SPTB: variants seen among roughly 807,000 people sequenced by gnomAD.
The protein encoded by SPTB is spectrin beta, erythrocytic.
SPTB carries 45 observed loss-of-function variants against 256.2 expected under a neutral mutation model. That is an observed-to-expected ratio of 0.18 (90% confidence interval 0.14 to 0.23). SPTB has a LOEUF of 0.23. Among genes scored for constraint, SPTB ranks in the 10% least tolerant of loss-of-function variants. SPTB has a pLI of 1.00. For missense variants in SPTB, 2,715 were observed against 3,040.4 expected (o/e 0.89, Z 2.52); for synonymous variants, 1,231 against 1,243.1 (o/e 0.99, Z 0.21).
At position 64,785,741 on chromosome 14, in the gene SPTB, G is replaced by A. The variant is rs200257205; in HGVS notation, c.3764+8C>T. The A allele has an allele frequency of 2.0e-5, 33 of 1,614,034 alleles. No homozygotes were observed. Among genetic ancestry groups the A allele is most frequent in the African/African-American group, 1.6e-4 (12 of 74,982 alleles). ...TGGGGGCCTCGTGGCCCTGGGGCCC[G>A]GGAGTACCTGTCCTCAATCAGCTGC... is the stretch of plus-strand genomic sequence containing the variant. On this transcript the variant is annotated splice_region_variant and intron_variant, in intron 17 of 35. Transcript: ENST00000644917. This position sits in a 1 kb window ranked among gnomAD's most constrained non-coding sequence, Gnocchi z 4.4.
At chr14:64,869,621 A>ATT (rs11302191) in intron 1 of SPTB, among the ~76,000 whole-genome samples, 4,262 of 139,478 alleles carry the variant, frequency 0.031, 220 homozygotes, top group South Asian at 0.11. Flanking sequence ...GATTTTTTAA[A>ATT]TTTTTTTTTT....
intron 2 of SPTB, among the ~76,000 whole-genome samples, chr14:64,822,546 A>G (rs910045211): frequency 5.3e-5 from 8 of 151,990 alleles, no homozygotes; most frequent in Non-Finnish European, 4.4e-5. Context: ...TTGGGACTAC[A>G]GAGAGGACTA....
At chr14:64,805,946 C>T (rs994952270) in intron 2 of SPTB, among the ~76,000 whole-genome samples, 3 of 152,134 alleles carry the variant, frequency 2.0e-5, no homozygotes, top group African/African-American at 4.8e-5. Context: ...GGTGACATGA[C>T]ACCCCTATCC....
At chr14:64,781,694 A>T (rs939029962) in intron 20 of SPTB, among the ~76,000 whole-genome samples, 46 of 152,234 alleles carry the variant, frequency 3.0e-4, no homozygotes, top group Admixed American at 6.5e-5. Flanking sequence ...CTACTATTTG[A>T]CCCAGCAATC....
chr14:64,751,477 A>T (rs1189648004), intron 33 of SPTB, among the ~76,000 whole-genome samples: 1 of 152,160 alleles, frequency 6.6e-6, no homozygotes, highest in African/African-American at 2.4e-5. Context: ...GACTTTCACA[A>T]TCCCTTTATT....
At position 64,795,472 on chromosome 14, in the gene SPTB, C is replaced by G. The variant is rs751281187; in HGVS notation, c.1509G>C (p.Lys503Asn). Residue 503 changes from lysine (K) to asparagine (N), a missense_variant, in exon 12 of 36, where the codon AAG becomes AAC. By Grantham distance (94) the Lys-to-Asn change is moderately conservative. Around this residue, in one of 4 missense-constraint regions of SPTB, gnomAD observed 2,239 missense variants for 2,384.4 expected, o/e 0.94. Transcript: ENST00000644917. The surrounding 1 kb of genome is among the most constrained non-coding windows in gnomAD (Gnocchi z 6.5). The part of the protein sequence containing the change: ...YHDQKRITAR[K>N]DNILRLWSYL... ...AGCTCCATAGGCGCAGTATATTGTC[C>G]TTGCGGGCCGTGATGCGCTTCTGGT... 27 of 1,614,180 alleles carry G rather than the reference C, an allele frequency of 1.7e-5. 1 individual carries two copies. In the South Asian group the frequency reaches 2.6e-4, roughly 16 times the overall value.
chr14:64,749,154 G>T lies in SPTB; in HGVS notation c.*152C>A, dbSNP rs1017313849. On this transcript the variant is annotated 3_prime_UTR_variant, in exon 36 of 36. Coordinates refer to ENST00000644917, the MANE Select transcript of SPTB (RefSeq NM_001355436.2). The surrounding 1 kb of genome is among the most constrained non-coding windows in gnomAD (Gnocchi z 4.7). ...GTCGGCCCAGGACACGCGGGCGAAG[G>T]CAGCTTTTGCAGTGCAGCGTGGGGC... The T allele has an allele frequency of 6.8e-6, 6 of 876,316 alleles. No individual in the cohort carries two copies. Among genetic ancestry groups the T allele is most frequent in the Admixed American group, 2.8e-5 (1 of 35,674 alleles). 54.3% of individuals were successfully genotyped at this position (876,316 alleles called of 1,614,324 possible). A position where few individuals can be genotyped will look rare whatever the true frequency, so the allele number is the denominator to read the frequency against.
In SPTB at chr14:64,807,765, C is replaced by A. The variant is rs533758369; in HGVS notation, c.149-2675G>T. 3.9e-5 allele frequency among the ~76,000 whole-genome samples: 6 copies of A among 152,326 alleles called. No individual in the cohort carries two copies. The highest frequency in any genetic ancestry group is 1.4e-4 in the African/African-American group (6 of 41,580). On this transcript the variant is annotated intron_variant, in intron 2 of 35. Coordinates refer to ENST00000644917, the MANE Select transcript of SPTB (RefSeq NM_001355436.2). The surrounding 1 kb of genome is among the most constrained non-coding windows in gnomAD (Gnocchi z 4.7). ...GGGCAGGAGAGGCGGTGGCCTGGAG[C>A]CAGCTAGGCTGGGAACCCTGGTAGT...
chr14:64,785,461 G>T lies in SPTB; in HGVS notation c.3855+76C>A. ...TCTTGAGCTAGAAAGGATCCCTGTG[G>T]ACTTCCTGCCTTGAGGGAACTCTGC... On this transcript the variant is annotated intron_variant, in intron 18 of 35. Coordinates refer to ENST00000644917, the MANE Select transcript of SPTB (RefSeq NM_001355436.2). The surrounding 1 kb of genome is among the most constrained non-coding windows in gnomAD (Gnocchi z 4.4). 1 of 1,345,622 alleles carries T rather than the reference G, an allele frequency of 7.4e-7. No homozygotes were observed. Among genetic ancestry groups the T allele is most frequent in the Non-Finnish European group, 1.0e-6 (1 of 959,120 alleles). 83.4% of individuals were successfully genotyped at this position (1,345,622 alleles called of 1,614,324 possible).
chr14:64,832,142 T>C (rs1295002055), intron 1 of SPTB, among the ~76,000 whole-genome samples: 1 of 152,224 alleles, frequency 6.6e-6, no homozygotes, highest in African/African-American at 2.4e-5. Flanking sequence ...TCTATATTCA[T>C]GGTAGCTTCT....
At chr14:64,833,187 A>G (rs868511036) in intron 1 of SPTB, among the ~76,000 whole-genome samples, 4 of 152,146 alleles carry the variant, frequency 2.6e-5, no homozygotes, top group Admixed American at 6.5e-5. Flanking sequence ...TAAGCCCGAA[A>G]AATCCTCGCT....
Position 64,794,796 on chromosome 14 carries a change from G to C in SPTB, c.1645-179C>G, listed in dbSNP as rs532820922. Among the ~76,000 whole-genome samples the C allele has an allele frequency of 3.9e-5, 6 of 152,316 alleles. No individual in the cohort carries two copies. The South Asian group carries it at 1.2e-3, about 32-fold the overall frequency. On this transcript the variant is annotated intron_variant, in intron 12 of 35. Transcript: ENST00000644917. ...TCCAGAGGGAGAGTGCCTACTGGGGGTGCCCATCAGCATCATCCATAGAAC... is the reference window on the plus strand; with the variant it reads ...TCCAGAGGGAGAGTGCCTACTGGGGCTGCCCATCAGCATCATCCATAGAAC...
At position 64,807,595 on chromosome 14, in the gene SPTB, C is replaced by T. The variant is rs1048807090; in HGVS notation, c.149-2505G>A. On this transcript the variant is annotated intron_variant, in intron 2 of 35. Coordinates refer to ENST00000644917, the MANE Select transcript of SPTB (RefSeq NM_001355436.2). The surrounding 1 kb of genome is among the most constrained non-coding windows in gnomAD (Gnocchi z 4.7). Reference sequence around the variant, plus strand: ...GCAATGTTGAGACACAGAAAGATTTCGAGAGGCTAATGATGATTGGAAGGG... The same window carrying T: ...GCAATGTTGAGACACAGAAAGATTTTGAGAGGCTAATGATGATTGGAAGGG... Among the ~76,000 whole-genome samples, 24 of 152,186 alleles carry T rather than the reference C, an allele frequency of 1.6e-4. No individual in the cohort carries two copies. The highest frequency in any genetic ancestry group is 9.8e-4 in the Admixed American group (15 of 15,278).
chr14:64,819,531 T>C lies in SPTB; in HGVS notation c.148+3416A>G, dbSNP rs2083252233. 2.0e-5 allele frequency among the ~76,000 whole-genome samples: 3 copies of C among 150,788 alleles called. No homozygotes were observed. In the South Asian group the frequency reaches 6.3e-4, roughly 32 times the overall value. The stretch of plus-strand genomic sequence containing the variant: ...GACACAGCCAGGGTCGTGGACTGGA[T>C]AGTCTTATGGAGAGAGAGAGACCTG... On this transcript the variant is annotated intron_variant, in intron 2 of 35. Transcript: ENST00000644917.
In SPTB at chr14:64,772,878, G is replaced by C. The variant is rs772761835; in HGVS notation, c.5255C>G (p.Ala1752Gly). Residue 1752 changes from alanine (A) to glycine (G), a missense_variant, in exon 26 of 36, where the codon GCC becomes GGC. Around this residue, in one of 4 missense-constraint regions of SPTB, gnomAD observed 2,239 missense variants for 2,384.4 expected, o/e 0.94. Coordinates refer to ENST00000644917, the MANE Select transcript of SPTB (RefSeq NM_001355436.2). The surrounding 1 kb of genome is among the most constrained non-coding windows in gnomAD (Gnocchi z 5.4). ...CGCGTCGATGAGTCGCTCGATGAAG[G>C]CATTCACATTGTCCACCCGCTCCTG... ...IGQERVDNVN[A>G]FIERLIDAGH... 4.3e-5 allele frequency: 70 copies of C among 1,609,376 alleles called. No individual in the cohort carries two copies. The Middle Eastern group carries it at 8.3e-4, about 19-fold the overall frequency.
intron 24 of SPTB, among the ~76,000 whole-genome samples, chr14:64,773,841 G>C (rs1427982367): frequency 2.0e-5 from 3 of 152,188 alleles, no homozygotes; most frequent in Non-Finnish European, 2.9e-5. Context: ...GGCTCCCAGG[G>C]AAACCTCTGG....
rs2083337837 is a variant in SPTB, at chr14:64,823,911, AATGGAACCGTGC to A, written c.-51-778_-51-767del. Among the ~76,000 whole-genome samples the A allele has an allele frequency of 6.6e-6, 1 of 152,210 alleles. No individual in the cohort carries two copies. Among genetic ancestry groups the A allele is most frequent in the African/African-American group, 2.4e-5 (1 of 41,438 alleles). On this transcript the variant is annotated intron_variant, in intron 1 of 35. Transcript: ENST00000644917. The surrounding 1 kb of genome is among the most constrained non-coding windows in gnomAD (Gnocchi z 6.5). ...GTGGCAGTCGGGGCATCCCATGGAC[AATGGAACCGTGC>A]ATTGTGAGTCCATGTGATGAACCAG... is the stretch of plus-strand genomic sequence containing the variant.
At chr14:64,818,366 G>A (rs766265334) in intron 2 of SPTB, among the ~76,000 whole-genome samples, 3 of 152,194 alleles carry the variant, frequency 2.0e-5, no homozygotes. Flanking sequence ...ATGGGATGCC[G>A]GATGCCAAGC....
Position 64,786,838 on chromosome 14 carries a change from A to G in SPTB, c.3127T>C (p.Trp1043Arg), listed in dbSNP as rs146819160. The change falls in exon 16 of 36, where the codon TGG becomes CGG. Residue 1043 changes from tryptophan (W) to arginine (R), a missense_variant. Physicochemically the swap from Trp to Arg is moderately radical, Grantham distance 101 (BLOSUM62 -3). Transcript: ENST00000644917. The surrounding 1 kb of genome is among the most constrained non-coding windows in gnomAD (Gnocchi z 5.6). Reference sequence around the variant, plus strand: ...TGCAGGGATTGCTGCAGGCCCTGCCACAGCTCCTCCAAGTGTTTTTGCCGC... The same window carrying G: ...TGCAGGGATTGCTGCAGGCCCTGCCGCAGCTCCTCCAAGTGTTTTTGCCGC... ...GQRQKHLEEL[W>R]QGLQQSLQGQ... 1.8e-4 allele frequency: 288 copies of G among 1,613,628 alleles called. No homozygotes were observed. Among genetic ancestry groups the G allele is most frequent in the Non-Finnish European group, 2.3e-4 (275 of 1,180,038 alleles).
Sources: gnomAD v4.1 joint callset for allele counts (sites outside exome capture counted in the v4.1 genomes callset) on GRCh38, gnomAD v4.1.1 for gene constraint, gnomAD v4.1.1 regional missense constraint, Gnocchi (gnomAD v3.1) non-coding constraint, MANE v1.5 for transcripts, NCBI Gene and HGNC (gene_info 2026-07-23, HGNC 2026-07-21) for gene names.